Variants in ADAMTS14 observed in about 807,000 individuals in gnomAD.
ADAMTS14 encodes the protein ADAM metallopeptidase with thrombospondin type 1 motif 14, also known as A disintegrin and metalloproteinase with thrombospondin motifs 14.
Under a neutral mutation model 128.6 loss-of-function variants are expected in ADAMTS14, and 100 were observed. The observed-to-expected ratio is 0.78, with a 90% CI of 0.66 to 0.92. The LOEUF is 0.92. Ranked by LOEUF, ADAMTS14 falls within the 40% of genes least tolerant of loss-of-function variation. ADAMTS14 has a pLI of 0.00. For synonymous variants in ADAMTS14, 665 were observed against 653.8 expected (o/e 1.02, Z -0.26); for missense variants, 1,562 against 1,658.6 (o/e 0.94, Z 1.01).
At chr10:70,708,445 A>T in intron 3 of ADAMTS14, 143 bp from the exon 4 acceptor site, 1 of 686,172 alleles carries the variant, frequency 1.5e-6, no homozygotes, top group African/African-American at 1.8e-5. Context: ...TTGACCTAGT[A>T]TGGAGCAATC....
At chr10:70,681,722 TGGAGG>T (rs1471091237) in intron 2 of ADAMTS14, among the ~76,000 whole-genome samples, 1 of 152,218 alleles carries the variant, frequency 6.6e-6, no homozygotes, top group Admixed American at 6.5e-5. Flanking sequence ...CACCCTGCTT[TGGAGG>T]TGTGGAGTGT....
chr10:70,708,924 T>A (rs959697002), intron 4 of ADAMTS14, 146 bp downstream of exon 4: 4 of 651,524 alleles, frequency 6.1e-6, no homozygotes, highest in Non-Finnish European at 9.4e-6. Context: ...TGCTTGCTCC[T>A]TAGCCCAGAA....
chr10:70,740,871 G>A (rs1191805982), intron 11 of ADAMTS14, 116 bp from the exon 12 acceptor site: 5 of 1,064,192 alleles, frequency 4.7e-6, no homozygotes, highest in Non-Finnish European at 6.9e-6. Flanking sequence ...TGTCAGTGGA[G>A]GCCCTTGTCA....
chr10:70,675,421 C>G (rs1315374617), intron 2 of ADAMTS14, among the ~76,000 whole-genome samples: 1 of 152,208 alleles, frequency 6.6e-6, no homozygotes, highest in Non-Finnish European at 1.5e-5. Flanking sequence ...CTTCTGCTCT[C>G]CTGGAGCTGA....
intron 4 of ADAMTS14, among the ~76,000 whole-genome samples, chr10:70,722,992 A>C (rs1296469153): frequency 6.6e-6 from 1 of 152,164 alleles, no homozygotes; most frequent in Non-Finnish European, 1.5e-5. Flanking sequence ...GCAGAGGGTA[A>C]CTTTCAGTGA....
chr10:70,703,303 G>C (rs1487980416), intron 3 of ADAMTS14, among the ~76,000 whole-genome samples: 1 of 152,228 alleles, frequency 6.6e-6, no homozygotes, highest in South Asian at 2.1e-4. Context: ...GTGTCACAAA[G>C]CTCCTTTGGC....
chr10:70,754,482 T>C (rs1443251754), intron 19 of ADAMTS14, among the ~76,000 whole-genome samples: 2 of 151,934 alleles, frequency 1.3e-5, no homozygotes, highest in Non-Finnish European at 2.9e-5. Flanking sequence ...AGTGGGTCGA[T>C]GTGGTGGAGG....
chr10:70,672,779 C>G lies in ADAMTS14; in HGVS notation c.-24C>G. ...GGGACTTGGGGATCGGGCGCTTGCC[C>G]AGCCCGCGTCCCAGCGCGGCCACAT... is the stretch of plus-strand genomic sequence containing the variant. On this transcript the variant is annotated 5_prime_UTR_variant, in exon 1 of 22. Coordinates refer to ENST00000373207, the MANE Select transcript of ADAMTS14 (RefSeq NM_080722.4). 6.7e-7 allele frequency: 1 copy of G among 1,495,290 alleles called. No individual in the cohort carries two copies. The highest frequency in any genetic ancestry group is 2.2e-5 in the Admixed American group (1 of 45,096). The allele number at this position is 1,495,290 out of a possible 1,614,324, so 92.6% of individuals were successfully genotyped here.
intron 9 of ADAMTS14, among the ~76,000 whole-genome samples, chr10:70,736,272 TG>T (rs55734835): frequency 0.82 from 123,734 of 150,398 alleles, 51,191 homozygotes; most frequent in East Asian, 0.91. Flanking sequence ...AGTGCTGGGG[TG>T]GGGGGGGTCT....
intron 4 of ADAMTS14, among the ~76,000 whole-genome samples, chr10:70,720,377 A>G (rs1316367573): frequency 2.6e-5 from 4 of 152,286 alleles, no homozygotes; most frequent in Admixed American, 2.6e-4. Context: ...AAGACCTTAA[A>G]CACCTCACTA....
At chr10:70,756,646 A>T (rs1286445305) in intron 19 of ADAMTS14, among the ~76,000 whole-genome samples, 1 of 152,226 alleles carries the variant, frequency 6.6e-6, no homozygotes, top group African/African-American at 2.4e-5. Context: ...TTGGCACTAG[A>T]CAAGCTTTTG....
chr10:70,675,533 C>CT (rs1383249194), intron 2 of ADAMTS14, among the ~76,000 whole-genome samples: 1 of 152,128 alleles, frequency 6.6e-6, no homozygotes. Context: ...GCTATTATGT[C>CT]TTGTAACATT....
Position 70,672,856 on chromosome 10 carries a change from C to G in ADAMTS14, c.54C>G (p.Leu18=), listed in dbSNP as rs1334965223. 2 of 1,506,952 alleles carry G rather than the reference C, an allele frequency of 1.3e-6. No homozygotes were observed. Among genetic ancestry groups the G allele is most frequent in the Non-Finnish European group, 1.8e-6 (2 of 1,133,174 alleles). 93.3% of individuals were successfully genotyped at this position (1,506,952 alleles called of 1,614,324 possible). Residue 18 remains leucine (L), a synonymous_variant, in exon 1 of 22, where the codon CTC becomes CTG. Transcript: ENST00000373207. ...LSYLLPLHCA[L]CAAAGSRTPE... is the part of the protein sequence containing the mutation. ...ACCTGCTGCCTTTGCACTGTGCGCT[C>G]TGCGCCGCCGCGGGCAGCCGGACCC...
Position 70,734,071 on chromosome 10 carries a change from G to A in ADAMTS14, c.1352+43G>A, listed in dbSNP as rs777068498. Reference sequence around the variant, plus strand: ...TCAGAGCTGGGATAGGGGAGCATGCGACCTGCCACTCTGAGCAGACATCAC... The same window carrying A: ...TCAGAGCTGGGATAGGGGAGCATGCAACCTGCCACTCTGAGCAGACATCAC... On this transcript the variant is annotated intron_variant, in intron 8 of 21. Transcript: ENST00000373207. 20 of 1,587,424 alleles carry A rather than the reference G, an allele frequency of 1.3e-5. No individual in the cohort carries two copies. In the Middle Eastern group the frequency reaches 5.0e-4, roughly 40 times the overall value.
chr10:70,760,319 C>T (rs748581081), intron 21 of ADAMTS14, 41 bp from the exon 22 acceptor site: 2 of 1,506,282 alleles, frequency 1.3e-6, no homozygotes, highest in South Asian at 2.6e-5. Flanking sequence ...GACAGGCATC[C>T]CCACGTTGCT....
intron 3 of ADAMTS14, 148 bp from the exon 4 acceptor site, chr10:70,708,440 C>A (rs1840731045): frequency 7.8e-6 from 5 of 638,144 alleles, no homozygotes; most frequent in African/African-American, 7.3e-5. Context: ...ATGAGTTGAC[C>A]TAGTATGGAG....
intron 1 of ADAMTS14, 69 bp downstream of exon 1, chr10:70,672,953 T>C: frequency 7.3e-7 from 1 of 1,370,694 alleles, no homozygotes; most frequent in Admixed American, 3.8e-5. Flanking sequence ...GGCCCAAGGT[T>C]GCCCCAGCCA....
chr10:70,745,560 G>T, intron 15 of ADAMTS14: 1 of 500,526 alleles, frequency 2.0e-6, no homozygotes, highest in South Asian at 2.1e-5. Flanking sequence ...CCTGGGGGCA[G>T]TTTTCTTCCC....
At chr10:70,702,224 T>A (rs1236674078) in intron 2 of ADAMTS14, 88 bp from the exon 3 acceptor site, 1 of 1,569,988 alleles carries the variant, frequency 6.4e-7, no homozygotes, top group Non-Finnish European at 8.7e-7. Context: ...GTCACATATG[T>A]GCATTCACAG....
Sources: allele counts gnomAD v4.1 joint callset (sites outside exome capture counted in the v4.1 genomes callset), GRCh38; gene constraint gnomAD v4.1.1; transcripts MANE v1.5; gene names NCBI Gene and HGNC (gene_info 2026-07-23, HGNC 2026-07-21).